MAST2: variants seen among roughly 807,000 people sequenced by gnomAD.
MAST2 encodes the protein microtubule-associated serine/threonine-protein kinase 2.
A neutral mutation model predicts 147.4 loss-of-function variants in MAST2; 70 were observed. The ratio of observed to expected loss-of-function variants is 0.47; its 90% CI spans 0.39 to 0.58. MAST2 has a LOEUF of 0.58. Among genes scored for constraint, MAST2 ranks in the 20% least tolerant of loss-of-function variants. The probability of loss-of-function intolerance (pLI) is 0.00; values close to 1 mark genes in which losing one functional copy is unlikely to be tolerated. For missense variants in MAST2, 2,080 were observed against 2,302.3 expected (o/e 0.90, Z 1.98); for synonymous variants, 869 against 896.8 (o/e 0.97, Z 0.55).
intron 5 of MAST2, among the ~76,000 whole-genome samples, chr1:45,964,427 C>T (rs537673820): frequency 1.6e-4 from 25 of 152,160 alleles, no homozygotes; most frequent in South Asian, 6.2e-4. Flanking sequence ...ATTCAACTTC[C>T]TCCTGGTTTA....
At chr1:46,006,457 A>C (rs919343589) in intron 8 of MAST2, 62 bp downstream of exon 8, 1 of 1,541,110 alleles carries the variant, frequency 6.5e-7, no homozygotes, top group African/African-American at 1.4e-5. Context: ...TGCATAACAC[A>C]GAGGTGGGCA....
intron 17 of MAST2, 69 bp downstream of exon 17, chr1:46,027,932 C>A (rs934124009): frequency 1.3e-6 from 2 of 1,578,228 alleles, no homozygotes; most frequent in African/African-American, 2.7e-5. Flanking sequence ...TGTCTTACGC[C>A]CGTAATCCCA....
At chr1:45,985,491 A>C (rs1644577969) in intron 5 of MAST2, among the ~76,000 whole-genome samples, 1 of 152,202 alleles carries the variant, frequency 6.6e-6, no homozygotes, top group Non-Finnish European at 1.5e-5. Context: ...GTCCTTTTGT[A>C]ATTACTTGCA....
chr1:45,866,997 C>T (rs1325969408), intron 3 of MAST2, among the ~76,000 whole-genome samples: 5 of 152,066 alleles, frequency 3.3e-5, no homozygotes, highest in Admixed American at 6.6e-5. Flanking sequence ...GTGATCCACC[C>T]GCCTCGGCCT....
At chr1:45,967,841 G>A (rs1187076797) in intron 5 of MAST2, among the ~76,000 whole-genome samples, 2 of 152,134 alleles carry the variant, frequency 1.3e-5, no homozygotes, top group Non-Finnish European at 1.5e-5. Flanking sequence ...CCTTATGATG[G>A]CAAAATACAC....
intron 4 of MAST2, among the ~76,000 whole-genome samples, chr1:45,910,215 A>G: frequency 6.7e-6 from 1 of 149,676 alleles, no homozygotes; most frequent in Non-Finnish European, 1.5e-5. Context: ...CTATGTTGGG[A>G]TCACAACGTA....
intron 3 of MAST2, among the ~76,000 whole-genome samples, chr1:45,863,008 C>G (rs867933878): frequency 6.6e-6 from 1 of 151,976 alleles, no homozygotes; most frequent in Non-Finnish European, 1.5e-5. Flanking sequence ...TGGATTTTAG[C>G]TCTTCTAGAA....
intron 4 of MAST2, among the ~76,000 whole-genome samples, chr1:45,947,873 C>T (rs1658313065): frequency 6.6e-6 from 1 of 152,184 alleles, no homozygotes; most frequent in African/African-American, 2.4e-5. Context: ...CCCGCCACCA[C>T]ACCCGGCTAA....
At chr1:45,903,889 CTGTG>C (rs1235748465) in intron 4 of MAST2, among the ~76,000 whole-genome samples, 10 of 152,210 alleles carry the variant, frequency 6.6e-5, no homozygotes, top group African/African-American at 2.4e-4. Context: ...GAATCAGAAA[CTGTG>C]AGATAGTAAA....
intron 3 of MAST2, among the ~76,000 whole-genome samples, chr1:45,853,332 AT>A (rs1645681747): frequency 1.3e-5 from 2 of 152,146 alleles, no homozygotes; most frequent in African/African-American, 2.4e-5. Context: ...AGTGTTTTGC[AT>A]AACACATTTA....
At chr1:45,913,528 G>A in intron 4 of MAST2, 1 of 943,378 alleles carries the variant, frequency 1.1e-6, no homozygotes, top group African/African-American at 1.8e-5. Flanking sequence ...GGTGCTTTCT[G>A]TAGCTCTGAT....
chr1:45,920,029 G>T (rs1031088686), intron 4 of MAST2, among the ~76,000 whole-genome samples: 3 of 152,084 alleles, frequency 2.0e-5, no homozygotes, highest in Non-Finnish European at 2.9e-5. Context: ...GCTTTGTTTG[G>T]TGAGACCAGG....
intron 11 of MAST2, among the ~76,000 whole-genome samples, chr1:46,019,956 G>A (rs998340024): frequency 3.3e-5 from 5 of 152,198 alleles, no homozygotes; most frequent in African/African-American, 1.2e-4. Context: ...GGGGGTCTTG[G>A]GGGTGAGAAG....
At chr1:45,882,012 TAAAAAAAAAAAAAAAAAA>T (rs71062722) in intron 3 of MAST2, among the ~76,000 whole-genome samples, 1 of 39,834 alleles carries the variant, frequency 2.5e-5, no homozygotes, top group South Asian at 2.6e-3. Flanking sequence ...CCGTCTCTAC[TAAAAAAAAAAAAAAAAAA>T]AAAAAAAAAA....
intron 9 of MAST2, 96 bp from the exon 10 acceptor site, chr1:46,010,634 G>A (rs1645674353): frequency 1.0e-6 from 1 of 1,002,056 alleles, no homozygotes; most frequent in Non-Finnish European, 1.5e-6. Flanking sequence ...AGGATCAGAG[G>A]GAGCCCATTA....
intron 4 of MAST2, among the ~76,000 whole-genome samples, chr1:45,946,370 A>G (rs1180314324): frequency 2.0e-5 from 3 of 152,012 alleles, no homozygotes; most frequent in African/African-American, 4.8e-5. Flanking sequence ...CATGAAGGGA[A>G]CTTGCTACTA....
At chr1:45,846,119 GA>G (rs1645426426) in intron 3 of MAST2, among the ~76,000 whole-genome samples, 1 of 53,702 alleles carries the variant, frequency 1.9e-5, no homozygotes, top group Non-Finnish European at 3.2e-5. Flanking sequence ...AATCATCACT[GA>G]TTTTTTTTTT....
intron 5 of MAST2, among the ~76,000 whole-genome samples, chr1:45,976,555 G>A (rs1282057372): frequency 6.6e-6 from 1 of 152,218 alleles, no homozygotes; most frequent in African/African-American, 2.4e-5. Flanking sequence ...CATTGTTCTA[G>A]TGGTGATTAC....
At position 46,029,882 on chromosome 1, in the gene MAST2, C is replaced by G; in HGVS notation, c.2372C>G (p.Thr791Arg). ...QHPFFTGLDW[T>R]GLLRQKAEFI... ...CCATTCTTTACTGGTCTGGACTGGA[C>G]AGGACTTCTCCGCCAGAAGGCTGAA... The change falls in exon 20 of 29, where the codon ACA becomes AGA. Residue 791 changes from threonine (T) to arginine (R), a missense_variant. This residue lies in a region of MAST2 where 209 missense variants were observed against 309.5 expected (regional missense o/e 0.68). Transcript: ENST00000361297. 1.9e-6 allele frequency: 3 copies of G among 1,614,208 alleles called. No homozygotes were observed. The highest frequency in any genetic ancestry group is 2.5e-6 in the Non-Finnish European group (3 of 1,180,024).
Sources: allele counts gnomAD v4.1 joint callset (sites outside exome capture counted in the v4.1 genomes callset), GRCh38; gene constraint gnomAD v4.1.1; regional missense constraint gnomAD v4.1.1; transcripts MANE v1.5; gene names NCBI Gene and HGNC (gene_info 2026-07-23, HGNC 2026-07-21).